CAMK1D: variants seen among roughly 807,000 people sequenced by gnomAD.
CAMK1D encodes calcium/calmodulin-dependent protein kinase type 1D.
In CAMK1D, 9 loss-of-function variants were observed where a neutral mutation model predicts 47.7. The ratio of observed to expected loss-of-function variants is 0.19; its 90% confidence interval spans 0.11 to 0.33. The LOEUF is 0.33. Among genes scored for constraint, CAMK1D ranks in the 10% least tolerant of loss-of-function variants. CAMK1D has a pLI of 1.00. For synonymous variants in CAMK1D, 184 were observed against 184.9 expected, an observed-to-expected ratio of 0.99 and a Z score of 0.04; for missense variants, 291 against 488.7, an observed-to-expected ratio of 0.60 and a Z score of 3.81.
chr10:12,740,223 G>A (rs1285865944), intron 3 of CAMK1D, among the ~76,000 whole-genome samples: 1 of 152,192 alleles, frequency 6.6e-6, no homozygotes, highest in East Asian at 1.9e-4. Flanking sequence ...GCCACCCCAT[G>A]AAGGAAATGC....
chr10:12,810,953 C>A (rs1277151075), intron 6 of CAMK1D, among the ~76,000 whole-genome samples: 1 of 152,234 alleles, frequency 6.6e-6, no homozygotes, highest in Non-Finnish European at 1.5e-5. Flanking sequence ...GCTGTGAGCA[C>A]CTCTAGACCC....
intron 3 of CAMK1D, among the ~76,000 whole-genome samples, chr10:12,691,253 G>A (rs1588796968): frequency 6.6e-6 from 1 of 151,286 alleles, no homozygotes; most frequent in Non-Finnish European, 1.5e-5. Flanking sequence ...AAATAGGAAG[G>A]CAGCCTCCAG....
chr10:12,422,139 G>C (rs1396985786), intron 1 of CAMK1D, among the ~76,000 whole-genome samples: 2 of 152,126 alleles, frequency 1.3e-5, no homozygotes, highest in Non-Finnish European at 2.9e-5. Flanking sequence ...TCCTGATCAT[G>C]CCCTTGTGGT....
chr10:12,787,975 C>CA (rs979933356), intron 5 of CAMK1D, among the ~76,000 whole-genome samples: 8 of 147,308 alleles, frequency 5.4e-5, no homozygotes, highest in East Asian at 2.0e-4. Context: ...ACTCCATCTC[C>CA]AAAAAAAAAA....
chr10:12,648,994 G>A (rs1839886335), intron 2 of CAMK1D, among the ~76,000 whole-genome samples: 1 of 152,086 alleles, frequency 6.6e-6, no homozygotes, highest in Admixed American at 6.6e-5. Flanking sequence ...AGCCTTCTGA[G>A]TAGCTGGAAC....
intron 1 of CAMK1D, among the ~76,000 whole-genome samples, chr10:12,362,992 G>A (rs2131844018): frequency 7.0e-6 from 1 of 143,548 alleles, no homozygotes; most frequent in East Asian, 2.1e-4. Flanking sequence ...GGAGGCTAGA[G>A]TGCAGTGGTG....
At chr10:12,817,110 A>G (rs1195816014) in intron 8 of CAMK1D, among the ~76,000 whole-genome samples, 1 of 152,210 alleles carries the variant, frequency 6.6e-6, no homozygotes, top group Non-Finnish European at 1.5e-5. Context: ...CACTGTCACG[A>G]GAACAGCACG....
At chr10:12,543,489 G>A (rs77727060) in intron 1 of CAMK1D, among the ~76,000 whole-genome samples, 1 of 152,310 alleles carries the variant, frequency 6.6e-6, no homozygotes, top group Non-Finnish European at 1.5e-5. Flanking sequence ...GTTAGCCAGT[G>A]TATCTCTGGG....
intron 2 of CAMK1D, among the ~76,000 whole-genome samples, chr10:12,596,595 T>C (rs1028501906): frequency 6.6e-6 from 1 of 152,156 alleles, no homozygotes; most frequent in Non-Finnish European, 1.5e-5. Flanking sequence ...GATTTCTAGG[T>C]AGAGTCCATC....
chr10:12,719,779 G>C (rs1462485930), intron 3 of CAMK1D, among the ~76,000 whole-genome samples: 2 of 152,174 alleles, frequency 1.3e-5, no homozygotes, highest in African/African-American at 4.8e-5. Flanking sequence ...AGTTATCCCA[G>C]GATGAAACCT....
chr10:12,746,471 G>T (rs941457962), intron 3 of CAMK1D, among the ~76,000 whole-genome samples: 9 of 151,796 alleles, frequency 5.9e-5, no homozygotes, highest in African/African-American at 2.2e-4. Flanking sequence ...TAGGCTTATT[G>T]TTTAGAAATG....
chr10:12,409,472 C>T (rs77016231), intron 1 of CAMK1D, among the ~76,000 whole-genome samples: 1,745 of 152,290 alleles, frequency 0.011, 27 homozygotes, highest in African/African-American at 0.04. Context: ...TTTTTAGTGG[C>T]GGGCTCTTGC....
intron 1 of CAMK1D, among the ~76,000 whole-genome samples, chr10:12,497,028 T>C (rs1019156422): frequency 2.0e-5 from 3 of 152,220 alleles, no homozygotes; most frequent in Non-Finnish European, 2.9e-5. Context: ...CTGAAGATAA[T>C]GGCTTCCAGC....
intron 1 of CAMK1D, among the ~76,000 whole-genome samples, chr10:12,474,726 G>A (rs139646159): frequency 6.6e-6 from 1 of 151,976 alleles, no homozygotes; most frequent in Non-Finnish European, 1.5e-5. Context: ...ATAGTTATTT[G>A]TTCTGAGTCT....
intron 1 of CAMK1D, among the ~76,000 whole-genome samples, chr10:12,496,353 G>C (rs1219762698): frequency 1.3e-5 from 2 of 152,106 alleles, no homozygotes; most frequent in East Asian, 3.8e-4. Flanking sequence ...TTCTCTCTAG[G>C]GTCGTTGTGG....
chr10:12,748,079 G>A (rs540594250), intron 3 of CAMK1D, among the ~76,000 whole-genome samples: 1 of 152,216 alleles, frequency 6.6e-6, no homozygotes, highest in East Asian at 1.9e-4. Flanking sequence ...GTCAGAGGAT[G>A]CAGCGAAGGG....
rs569435635 is a variant in CAMK1D at position 12,418,081 on chromosome 10, G to A, written c.92+68171G>A. ...TTGGCCTCCCAAAGTGCTCACAAGAGTGAGCCACCACGCCTGGCCTCGATG... is the reference window on the plus strand; with the variant it reads ...TTGGCCTCCCAAAGTGCTCACAAGAATGAGCCACCACGCCTGGCCTCGATG... On this transcript the variant is annotated intron_variant, in intron 1 of 10. Transcript: ENST00000619168. Among the ~76,000 whole-genome samples the A allele has an allele frequency of 2.7e-3, 416 of 152,312 alleles. 5 individuals are homozygous for A. Among genetic ancestry groups the A allele is most frequent in the Non-Finnish European group, 4.0e-3 (270 of 68,020 alleles).
chr10:12,534,523 C>T (rs2004304), intron 1 of CAMK1D, among the ~76,000 whole-genome samples: 43,913 of 152,038 alleles, frequency 0.29, 6,625 homozygotes, highest in East Asian at 0.38. Flanking sequence ...TGTGCCACCA[C>T]GCCCAGCTAA....
chr10:12,763,048 G>C (rs145874062), intron 4 of CAMK1D, among the ~76,000 whole-genome samples: 2 of 152,332 alleles, frequency 1.3e-5, no homozygotes, highest in East Asian at 1.9e-4. Flanking sequence ...AGGCTGATTG[G>C]CTGTATGGGA....
Sources: gnomAD v4.1 joint callset for allele counts (sites outside exome capture counted in the v4.1 genomes callset) on GRCh38, gnomAD v4.1.1 for gene constraint, MANE v1.5 for transcripts, NCBI Gene and HGNC (gene_info 2026-07-23, HGNC 2026-07-21) for gene names.